Variants in PCDH15 observed in about 807,000 individuals in gnomAD.
The protein encoded by PCDH15 is protocadherin related 15.
Under a neutral mutation model 178.5 loss-of-function variants are expected in PCDH15, and 129 were observed. That is an observed-to-expected ratio of 0.72 (90% CI 0.63 to 0.84). The LOEUF (loss-of-function observed/expected upper bound fraction) is 0.84. Ranked by LOEUF, PCDH15 falls within the 40% of genes least tolerant of loss-of-function variation. The pLI is 0.00. For missense variants in PCDH15, 2,230 were observed against 2,099.9 expected, an observed-to-expected ratio of 1.06 and a Z score of -1.21; for synonymous variants, 800 against 732.0, an observed-to-expected ratio of 1.09 and a Z score of -1.50.
At chr10:54,085,007 A>G (rs935678878) in intron 16 of PCDH15, among the ~76,000 whole-genome samples, 3 of 151,852 alleles carry the variant, frequency 2.0e-5, no homozygotes, top group African/African-American at 7.3e-5. Context: ...AAAACCTACT[A>G]ATAAAGGGAG....
intron 17 of PCDH15, among the ~76,000 whole-genome samples, chr10:54,079,003 T>G (rs1444300242): frequency 6.6e-6 from 1 of 152,152 alleles, no homozygotes; most frequent in Non-Finnish European, 1.5e-5. Context: ...CATAATAAAC[T>G]GCCAGAACAC....
chr10:54,666,529 A>G (rs2094574303), intron 1 of PCDH15, among the ~76,000 whole-genome samples: 1 of 152,030 alleles, frequency 6.6e-6, no homozygotes, highest in African/African-American at 2.4e-5. Flanking sequence ...CCCCTTCACA[A>G]AGGATTAGAG....
chr10:55,238,372 G>C (rs996737855), intron 1 of PCDH15, among the ~76,000 whole-genome samples: 1 of 151,742 alleles, frequency 6.6e-6, no homozygotes, highest in Non-Finnish European at 1.5e-5. Context: ...GGATGGTCTC[G>C]ATCTCCTGAC....
chr10:54,940,605 G>A (rs887979078), intron 2 of PCDH15, among the ~76,000 whole-genome samples: 3 of 151,950 alleles, frequency 2.0e-5, no homozygotes, highest in Admixed American at 6.6e-5. Context: ...CTTTCTACTT[G>A]TTCCATCTAC....
At chr10:54,474,043 A>G (rs1054184329) in intron 3 of PCDH15, among the ~76,000 whole-genome samples, 11 of 151,886 alleles carry the variant, frequency 7.2e-5, no homozygotes, top group Non-Finnish European at 1.2e-4. Flanking sequence ...GATTCCTGAT[A>G]AAGTAAATTT....
chr10:54,108,396 A>T (rs944975558), intron 15 of PCDH15, among the ~76,000 whole-genome samples: 1 of 152,146 alleles, frequency 6.6e-6, no homozygotes, highest in African/African-American at 2.4e-5. Flanking sequence ...AGAAAGCAAA[A>T]CCAGAATGAA....
intron 2 of PCDH15, among the ~76,000 whole-genome samples, chr10:55,022,236 T>C (rs1286575360): frequency 3.3e-5 from 5 of 152,050 alleles, no homozygotes; most frequent in African/African-American, 1.2e-4. Context: ...CCGGATCACT[T>C]GAGATCAGGA....
At chr10:55,488,979 A>G (rs1840358121) in intron 2 of PCDH15, among the ~76,000 whole-genome samples, 1 of 151,610 alleles carries the variant, frequency 6.6e-6, no homozygotes, top group Admixed American at 6.6e-5. Context: ...TACCACCAAA[A>G]AAAAGGTAGT....
chr10:55,185,615 T>C (rs1839776956), intron 1 of PCDH15, among the ~76,000 whole-genome samples: 1 of 151,784 alleles, frequency 6.6e-6, no homozygotes, highest in African/African-American at 2.4e-5. Context: ...TCAAATTATA[T>C]AAATTTTCTT....
rs73256003 is a variant in PCDH15 at position 54,836,577 on chromosome 10, T to G, written c.-29+60873A>C. On this transcript the variant is annotated intron_variant, in intron 3 of 5. Coordinates refer to the PCDH15 transcript ENST00000458638. ...TTTATGTGTGTGTCTCTGTGTGCAT[T>G]TGTGTGTATTTTTTTGAAAAAGATA... 3.7e-3 allele frequency among the ~76,000 whole-genome samples: 561 copies of G among 152,246 alleles called. 1 individual carries two copies. Among genetic ancestry groups the G allele is most frequent in the African/African-American group, 0.013 (539 of 41,564 alleles).
intron 1 of PCDH15, among the ~76,000 whole-genome samples, chr10:54,746,957 G>T (rs1420542112): frequency 6.6e-6 from 1 of 152,104 alleles, no homozygotes; most frequent in East Asian, 1.9e-4. Flanking sequence ...ATAGGCATTT[G>T]TGACTTACAA....
chr10:54,269,032 T>C (rs1398825002), intron 8 of PCDH15, among the ~76,000 whole-genome samples: 1 of 151,960 alleles, frequency 6.6e-6, no homozygotes, highest in African/African-American at 2.4e-5. Context: ...TCTGAATGTC[T>C]TTCTCAGTAA....
chr10:55,338,522 C>A (rs1397576058), intron 2 of PCDH15, among the ~76,000 whole-genome samples: 1 of 152,264 alleles, frequency 6.6e-6, no homozygotes, highest in Non-Finnish European at 1.5e-5. Flanking sequence ...TATCCCAGCA[C>A]TCGGGGAGAC....
intron 2 of PCDH15, among the ~76,000 whole-genome samples, chr10:55,071,182 TGA>T (rs1240774587): frequency 6.6e-6 from 1 of 152,164 alleles, no homozygotes; most frequent in Non-Finnish European, 1.5e-5. Context: ...ACGAAGAAAC[TGA>T]ATCAACTAAT....
At chr10:53,878,215 A>AATATAT (rs140273411) in intron 26 of PCDH15, among the ~76,000 whole-genome samples, 1,518 of 127,304 alleles carry the variant, frequency 0.012, 26 homozygotes, top group African/African-American at 0.037. Flanking sequence ...ACACACTTTG[A>AATATAT]ATATATATAT....
At chr10:55,428,563 T>G (rs2132054030) in intron 2 of PCDH15, among the ~76,000 whole-genome samples, 1 of 151,850 alleles carries the variant, frequency 6.6e-6, no homozygotes, top group African/African-American at 2.4e-5. Context: ...TCTATATCTA[T>G]AATTATCTAT....
intron 2 of PCDH15, among the ~76,000 whole-genome samples, chr10:54,905,455 A>G (rs1483154840): frequency 1.3e-5 from 2 of 152,176 alleles, no homozygotes; most frequent in African/African-American, 4.8e-5. Flanking sequence ...TCAAAGAAAT[A>G]GAATCATGCA....
chr10:54,490,932 C>T (rs2079533676), intron 3 of PCDH15, among the ~76,000 whole-genome samples: 3 of 152,134 alleles, frequency 2.0e-5, no homozygotes, highest in Non-Finnish European at 4.4e-5. Flanking sequence ...ACATGTTACT[C>T]CAGATGCATT....
chr10:53,850,064 C>T (rs10509000), intron 28 of PCDH15, among the ~76,000 whole-genome samples: 35 of 151,948 alleles, frequency 2.3e-4, no homozygotes, highest in Admixed American at 2.0e-3. Context: ...GCTAAGATAA[C>T]ATTCCTCCAA....
Sources: allele counts gnomAD v4.1 joint callset (sites outside exome capture counted in the v4.1 genomes callset), GRCh38; gene constraint gnomAD v4.1.1; transcripts MANE v1.5; gene names NCBI Gene and HGNC (gene_info 2026-07-23, HGNC 2026-07-21).